The following NCKAP5 variants were observed in gnomAD, a reference collection of about 807,000 sequenced individuals.
NCKAP5 encodes nck-associated protein 5.
In NCKAP5, 92 loss-of-function variants were observed where a neutral mutation model predicts 167.0. That is an observed-to-expected ratio of 0.55 (90% CI 0.47 to 0.66). NCKAP5 has a LOEUF of 0.66. Among genes scored for constraint, NCKAP5 ranks in the 30% least tolerant of loss-of-function variants. NCKAP5 has a pLI of 0.00. For synonymous variants in NCKAP5, 891 were observed against 877.4 expected (o/e 1.02, Z -0.27); for missense variants, 2,378 against 2,315.0 (o/e 1.03, Z -0.56).
intron 3 of NCKAP5, among the ~76,000 whole-genome samples, chr2:133,410,136 G>A (rs1039767857): frequency 6.6e-6 from 1 of 152,156 alleles, no homozygotes; most frequent in Non-Finnish European, 1.5e-5. Context: ...TTGCCTCTCC[G>A]TGCCAAGTAT....
At chr2:133,252,887 C>A (rs2088422252) in intron 4 of NCKAP5, among the ~76,000 whole-genome samples, 1 of 152,218 alleles carries the variant, frequency 6.6e-6, no homozygotes, top group Non-Finnish European at 1.5e-5. Flanking sequence ...CAGCCATTTA[C>A]AAAAGCAAGC....
chr2:132,690,612 A>T (rs971249600), intron 19 of NCKAP5, among the ~76,000 whole-genome samples: 1 of 152,132 alleles, frequency 6.6e-6, no homozygotes, highest in Non-Finnish European at 1.5e-5. Flanking sequence ...AGCTTCTGAG[A>T]ACCTACAACT....
At chr2:133,649,605 C>G in the NCKAP5 span, among the ~76,000 whole-genome samples, 2 of 152,006 alleles carry the variant, frequency 1.3e-5, no homozygotes, top group Non-Finnish European at 2.9e-5. Context: ...AATTAATGTG[C>G]TACACCACAT....
intron 11 of NCKAP5, among the ~76,000 whole-genome samples, chr2:132,851,017 A>AT (rs967723892): frequency 6.7e-6 from 1 of 149,954 alleles, no homozygotes; most frequent in South Asian, 2.1e-4. Context: ...TCAGAAAAGC[A>AT]TTTTTTTTCA....
At chr2:133,558,470 A>G (rs967511655) in intron 2 of NCKAP5, among the ~76,000 whole-genome samples, 15 of 152,004 alleles carry the variant, frequency 9.9e-5, no homozygotes, top group Admixed American at 4.6e-4. Context: ...GTGAAAGAGG[A>G]AGGGAGCAGC....
At chr2:133,426,759 G>C (rs866164261) in intron 3 of NCKAP5, among the ~76,000 whole-genome samples, 3 of 152,292 alleles carry the variant, frequency 2.0e-5, no homozygotes, top group South Asian at 2.1e-4. Context: ...ATTGTGACCA[G>C]TGTACCATAC....
intron 3 of NCKAP5, among the ~76,000 whole-genome samples, chr2:133,394,666 T>C (rs755250245): frequency 1.3e-5 from 2 of 152,200 alleles, no homozygotes; most frequent in Non-Finnish European, 2.9e-5. Context: ...GACGTTTCTT[T>C]ACAGTAACCC....
chr2:133,628,170 G>T, the NCKAP5 span, among the ~76,000 whole-genome samples: 2 of 152,050 alleles, frequency 1.3e-5, no homozygotes, highest in South Asian at 4.1e-4. Flanking sequence ...AAGAAACAAA[G>T]GGTATTCAAA....
At chr2:132,720,566 C>T (rs1177739373) in intron 19 of NCKAP5, among the ~76,000 whole-genome samples, 4 of 152,158 alleles carry the variant, frequency 2.6e-5, no homozygotes, top group African/African-American at 9.6e-5. Flanking sequence ...CATGCTGTGA[C>T]CAGCAGGGTG....
At chr2:132,727,672 C>T (rs1047568118) in intron 18 of NCKAP5, among the ~76,000 whole-genome samples, 2 of 152,302 alleles carry the variant, frequency 1.3e-5, no homozygotes, top group Non-Finnish European at 2.9e-5. Context: ...CTCAGACCCA[C>T]GTCTTGTGGA....
intron 5 of NCKAP5, among the ~76,000 whole-genome samples, chr2:133,211,003 C>A (rs540960694): frequency 4.6e-5 from 7 of 150,594 alleles, no homozygotes; most frequent in South Asian, 2.2e-4. Context: ...CCCTACCCCC[C>A]CAACCCCATC....
At chr2:133,647,385 AAGG>A in the NCKAP5 span, among the ~76,000 whole-genome samples, 2 of 113,640 alleles carry the variant, frequency 1.8e-5, no homozygotes, top group African/African-American at 8.5e-5. Context: ...GAAAGGAAGG[AAGG>A]AAGGAAGGAA....
chr2:133,501,354 C>G (rs1416996483), intron 3 of NCKAP5, among the ~76,000 whole-genome samples: 1 of 152,194 alleles, frequency 6.6e-6, no homozygotes. Context: ...CACCAATGAT[C>G]ACAGCAAATC....
chr2:133,533,825 A>C (rs1208027948), intron 2 of NCKAP5, among the ~76,000 whole-genome samples: 1 of 152,180 alleles, frequency 6.6e-6, no homozygotes, highest in Non-Finnish European at 1.5e-5. Context: ...GAAATTTGAA[A>C]GTCTCTCCTT....
intron 2 of NCKAP5, among the ~76,000 whole-genome samples, chr2:133,537,058 C>A (rs998280247): frequency 2.6e-5 from 4 of 151,944 alleles, no homozygotes; most frequent in African/African-American, 9.7e-5. Flanking sequence ...GAAGATTATT[C>A]TTTTTCTCAC....
In NCKAP5 at chr2:133,385,055, T is replaced by C. The variant is rs182239441; in HGVS notation, c.70-81945A>G. Among the ~76,000 whole-genome samples, 7 of 152,336 alleles carry C rather than the reference T, an allele frequency of 4.6e-5. No homozygotes were observed. In the East Asian group the frequency reaches 1.3e-3, roughly 29 times the overall value. ...GGCTTTATTTCTTTCTCCTGCCTGA[T>C]TGCCCTGGCCAGAACTTCCAACACT... On this transcript the variant is annotated intron_variant, in intron 3 of 19. Transcript: ENST00000409261.
intron 6 of NCKAP5, among the ~76,000 whole-genome samples, chr2:133,090,776 G>A (rs755327642): frequency 1.5e-5 from 2 of 133,120 alleles, no homozygotes; most frequent in Admixed American, 7.4e-5. Flanking sequence ...CTCTGAACAC[G>A]GTTGGAGACT....
chr2:133,650,289 C>T, the NCKAP5 span, among the ~76,000 whole-genome samples: 10 of 151,922 alleles, frequency 6.6e-5, no homozygotes, highest in Admixed American at 1.3e-4. Flanking sequence ...TTATGGTACT[C>T]AAAGTGATCT....
intron 3 of NCKAP5, among the ~76,000 whole-genome samples, chr2:133,437,763 T>G (rs1435128344): frequency 6.6e-6 from 1 of 152,206 alleles, no homozygotes; most frequent in Non-Finnish European, 1.5e-5. Context: ...TTCAGTTAAG[T>G]TATTTAAACT....
Sources: gnomAD v4.1 joint callset for allele counts (sites outside exome capture counted in the v4.1 genomes callset) on GRCh38, gnomAD v4.1.1 for gene constraint, MANE v1.5 for transcripts, NCBI Gene and HGNC (gene_info 2026-07-23, HGNC 2026-07-21) for gene names.